TBC1D5: variants seen among roughly 807,000 people sequenced by gnomAD.
The protein encoded by TBC1D5 is TBC1 domain family, member 5.
A neutral mutation model predicts 100.3 loss-of-function variants in TBC1D5; 75 were observed. That is an observed-to-expected ratio of 0.75 (90% confidence interval 0.62 to 0.91). TBC1D5 has a LOEUF of 0.91. TBC1D5 is among the 40% of genes least tolerant of loss of function. The pLI, the probability that TBC1D5 is intolerant of heterozygous loss-of-function variation, is 0.00. For missense variants in TBC1D5, 910 were observed against 942.4 expected, an observed-to-expected ratio of 0.97 and a Z score of 0.45; for synonymous variants, 323 against 325.6, an observed-to-expected ratio of 0.99 and a Z score of 0.09.
At chr3:17,649,644 C>T (rs556130279) in intron 1 of TBC1D5, among the ~76,000 whole-genome samples, 48 of 152,164 alleles carry the variant, frequency 3.2e-4, no homozygotes, top group African/African-American at 1.1e-3. Flanking sequence ...CAGGAAACAA[C>T]AGATGCTGGA....
At chr3:17,343,174 G>A (rs1015186134) in intron 13 of TBC1D5, among the ~76,000 whole-genome samples, 2 of 152,160 alleles carry the variant, frequency 1.3e-5, no homozygotes, top group African/African-American at 4.8e-5. Flanking sequence ...TTTTTAGCAT[G>A]AAGCGTTGTT....
intron 13 of TBC1D5, among the ~76,000 whole-genome samples, chr3:17,316,715 A>G (rs2084744830): frequency 6.6e-6 from 1 of 152,226 alleles, no homozygotes; most frequent in Admixed American, 6.5e-5. Context: ...TCAGCTGGTC[A>G]AACAGTCTGT....
intron 3 of TBC1D5, among the ~76,000 whole-genome samples, chr3:17,445,015 T>A (rs1251093044): frequency 6.6e-6 from 1 of 152,182 alleles, no homozygotes; most frequent in Non-Finnish European, 1.5e-5. Flanking sequence ...AATGTGAGCA[T>A]CTGCATTTTG....
intron 13 of TBC1D5, among the ~76,000 whole-genome samples, chr3:17,348,674 C>CA (rs1230854029): frequency 6.6e-6 from 1 of 152,104 alleles, no homozygotes; most frequent in African/African-American, 2.4e-5. Flanking sequence ...AGGCTGCAGG[C>CA]AAAACGCACT....
chr3:17,478,783 C>G (rs993568234), intron 3 of TBC1D5, among the ~76,000 whole-genome samples: 1 of 152,116 alleles, frequency 6.6e-6, no homozygotes, highest in Non-Finnish European at 1.5e-5. Flanking sequence ...GCTGACATCA[C>G]CATGTAAACA....
At chr3:17,523,975 TG>T (rs1037084358) in intron 2 of TBC1D5, among the ~76,000 whole-genome samples, 7 of 152,200 alleles carry the variant, frequency 4.6e-5, no homozygotes, top group African/African-American at 1.7e-4. Flanking sequence ...AGGGGTGCAA[TG>T]ATTTTTTAAA....
chr3:17,489,774 AG>A (rs1326575321), intron 3 of TBC1D5, among the ~76,000 whole-genome samples: 1 of 152,188 alleles, frequency 6.6e-6, no homozygotes, highest in African/African-American at 2.4e-5. Flanking sequence ...GCATCTGGGT[AG>A]ATTCCACTTC....
chr3:17,706,000 C>G, intron 1 of TBC1D5: 1 of 1,415,978 alleles, frequency 7.1e-7, no homozygotes, highest in South Asian at 1.3e-5. Context: ...TTTTTTGAGA[C>G]GGAGTCTTGC....
At chr3:17,536,075 C>T (rs538701163) in intron 2 of TBC1D5, among the ~76,000 whole-genome samples, 1 of 152,236 alleles carries the variant, frequency 6.6e-6, no homozygotes, top group South Asian at 2.1e-4. Flanking sequence ...AGACAATCTT[C>T]AATCCTATTT....
At chr3:17,395,694 CT>C (rs1032701287) in intron 8 of TBC1D5, among the ~76,000 whole-genome samples, 1 of 152,090 alleles carries the variant, frequency 6.6e-6, no homozygotes, top group Non-Finnish European at 1.5e-5. Flanking sequence ...GAGGGTACCC[CT>C]ATAACTGTGC....
intron 1 of TBC1D5, among the ~76,000 whole-genome samples, chr3:17,732,392 T>A (rs569210416): frequency 6.6e-6 from 1 of 152,072 alleles, no homozygotes; most frequent in South Asian, 2.1e-4. Context: ...CCACACTATC[T>A]ACTTTGTAAC....
intron 4 of TBC1D5, among the ~76,000 whole-genome samples, chr3:17,411,618 C>T (rs1300522573): frequency 6.6e-6 from 1 of 152,132 alleles, no homozygotes; most frequent in Non-Finnish European, 1.5e-5. Flanking sequence ...CCAAAATCAG[C>T]TCCTATTCAC....
At chr3:17,178,998 T>C (rs1253348238) in intron 19 of TBC1D5, among the ~76,000 whole-genome samples, 1 of 151,990 alleles carries the variant, frequency 6.6e-6, no homozygotes, top group Non-Finnish European at 1.5e-5. Context: ...GGGCAGTCGC[T>C]ATTCACAGGC....
chr3:17,630,559 C>T (rs2063404081), intron 1 of TBC1D5, among the ~76,000 whole-genome samples: 1 of 152,156 alleles, frequency 6.6e-6, no homozygotes, highest in African/African-American at 2.4e-5. Flanking sequence ...CACAGATCAG[C>T]CATTCTGCCA....
intron 1 of TBC1D5, among the ~76,000 whole-genome samples, chr3:17,654,744 C>T (rs2065897295): frequency 6.6e-6 from 1 of 152,066 alleles, no homozygotes; most frequent in Admixed American, 6.6e-5. Flanking sequence ...GGTACCAGTT[C>T]CTCCTTGTAC....
chr3:17,174,012 T>C (rs940962796), intron 19 of TBC1D5, among the ~76,000 whole-genome samples: 1 of 152,190 alleles, frequency 6.6e-6, no homozygotes, highest in Non-Finnish European at 1.5e-5. Context: ...CTCCAGTACA[T>C]GGTGTGTATC....
chr3:17,365,043 C>T (rs1414159976), intron 13 of TBC1D5, among the ~76,000 whole-genome samples: 1 of 152,030 alleles, frequency 6.6e-6, no homozygotes, highest in Admixed American at 6.6e-5. Flanking sequence ...TTCCATACTT[C>T]CTTCCCTCTT....
intron 18 of TBC1D5, among the ~76,000 whole-genome samples, chr3:17,192,327 C>T (rs1221676650): frequency 6.8e-6 from 1 of 147,818 alleles, no homozygotes; most frequent in African/African-American, 2.5e-5. Context: ...GTATTCTAAA[C>T]GACACTAAAT....
At chr3:17,498,500 T>C (rs996620961) in intron 3 of TBC1D5, among the ~76,000 whole-genome samples, 3 of 152,196 alleles carry the variant, frequency 2.0e-5, no homozygotes, top group African/African-American at 7.2e-5. Context: ...CAAAGAATCA[T>C]TGTGGAAACA....
Sources: allele counts gnomAD v4.1 joint callset (sites outside exome capture counted in the v4.1 genomes callset), GRCh38; gene constraint gnomAD v4.1.1; transcripts MANE v1.5; gene names NCBI Gene and HGNC (gene_info 2026-07-23, HGNC 2026-07-21).